CEP350: variants seen among roughly 807,000 people sequenced by gnomAD.
The protein encoded by CEP350 is centrosomal protein 350.
A neutral mutation model predicts 331.8 loss-of-function variants in CEP350; 126 were observed. The observed-to-expected ratio is 0.38, with a 90% CI of 0.33 to 0.44. The LOEUF (loss-of-function observed/expected upper bound fraction) is 0.44. Ranked by LOEUF, CEP350 falls within the 20% of genes least tolerant of loss-of-function variation. CEP350 has a pLI of 1.00. For synonymous variants in CEP350, 1,200 were observed against 1,259.5 expected, an observed-to-expected ratio of 0.95 and a Z score of 1.00; for missense variants, 3,406 against 3,634.6, an observed-to-expected ratio of 0.94 and a Z score of 1.62.
chr1:179,966,865 T>C (rs1294693213), intron 1 of CEP350, among the ~76,000 whole-genome samples: 8 of 152,198 alleles, frequency 5.3e-5, no homozygotes, highest in Non-Finnish European at 1.0e-4. Context: ...CAATCTCCAG[T>C]TGCTTTGAGA....
At chr1:179,980,918 C>G (rs999323448) in intron 1 of CEP350, among the ~76,000 whole-genome samples, 1 of 152,014 alleles carries the variant, frequency 6.6e-6, no homozygotes, top group Non-Finnish European at 1.5e-5. Flanking sequence ...ATTCTATTTT[C>G]TATATACAAT....
In CEP350 at chr1:180,093,783, C is replaced by T. The variant is rs781079631; in HGVS notation, c.7678C>T (p.Pro2560Ser). The T allele has an allele frequency of 4.3e-6, 7 of 1,613,752 alleles. No homozygotes were observed. Among genetic ancestry groups the T allele is most frequent in the Middle Eastern group, 1.6e-4 (1 of 6,062 alleles). Residue 2560 changes from proline to serine, a missense_variant, in exon 34 of 38, where the codon CCT becomes TCT. Coordinates refer to ENST00000367607, the MANE Select transcript of CEP350 (RefSeq NM_014810.5). Reference sequence around the variant, plus strand: ...AGAAAAGCATGGTATTTTTGCTCCTCCTCAAAAAATATCTCACATTCCAGA... The same window carrying T: ...AGAAAAGCATGGTATTTTTGCTCCTTCTCAAAAAATATCTCACATTCCAGA... ...CKEKHGIFAP[P>S]QKISHIPENF...
chr1:180,043,426 T>A (rs1656900778), intron 20 of CEP350, among the ~76,000 whole-genome samples: 1 of 152,142 alleles, frequency 6.6e-6, no homozygotes, highest in South Asian at 2.1e-4. Context: ...TCAGAGATAA[T>A]GTAACACAGG....
At chr1:180,077,671 T>TAAAAAAAAAAAAAAAAAAAAAAAAAA (rs3067269) in intron 28 of CEP350, among the ~76,000 whole-genome samples, 1 of 97,228 alleles carries the variant, frequency 1.0e-5, no homozygotes. Flanking sequence ...TCTCAAAAAG[T>TAAAAAAAAAAAAAAAAAAAAAAAAAA]AAAAAAAAAA....
At position 180,024,709 on chromosome 1, in the gene CEP350, T is replaced by G. The variant is rs192711639; in HGVS notation, c.3550+127T>G. The G allele has an allele frequency of 1.3e-3, 1,332 of 1,035,458 alleles. 7 individuals carry two copies. In the African/African-American group the frequency reaches 0.019, roughly 15 times the overall value. The allele number at this position is 1,035,458 out of a possible 1,614,324, so 64.1% of individuals were successfully genotyped here. On this transcript the variant is annotated intron_variant, in intron 14 of 37. Coordinates refer to ENST00000367607, the MANE Select transcript of CEP350 (RefSeq NM_014810.5). The stretch of plus-strand genomic sequence containing the variant: ...ATGGTAATGTAATTAGCTTTCATAT[T>G]TATTTATCATTATAATAATACCTTT...
chr1:180,092,821 G>A lies in CEP350; in HGVS notation c.6716G>A (p.Ser2239Asn), dbSNP rs987140919. The A allele has an allele frequency of 6.4e-6, 10 of 1,570,008 alleles. No individual in the cohort carries two copies. The highest frequency in any genetic ancestry group is 8.7e-6 in the Non-Finnish European group (10 of 1,156,060). The change falls in exon 34 of 38, where the codon AGT (serine) becomes AAT (asparagine). Residue 2239 changes from serine (S) to asparagine (N), a missense_variant. Ser to Asn is a conservative substitution (Grantham distance 46). This residue lies in a region of CEP350 where 1,415 missense variants were observed against 1,512.3 expected (regional missense o/e 0.94). Transcript: ENST00000367607. ...LHLLKELNAT[S>N]RILDMSDGKV... ...CTTCTCAAAGAATTAAATGCCACTA[G>A]TAGAATTCTTGATATGTCAGATGGC...
intron 1 of CEP350, among the ~76,000 whole-genome samples, chr1:179,976,694 A>C: frequency 6.6e-6 from 1 of 152,238 alleles, no homozygotes; most frequent in Admixed American, 6.5e-5. Context: ...AAATACAAGA[A>C]ATGAAATATA....
intron 33 of CEP350, among the ~76,000 whole-genome samples, chr1:180,091,484 G>T (rs928302402): frequency 6.6e-6 from 1 of 151,992 alleles, no homozygotes. Context: ...CTATTTCTTA[G>T]CTAAATAGCT....
At chr1:180,090,557 A>AAAAAAAAAAAAAAAAAG (rs1660126484) in intron 32 of CEP350, among the ~76,000 whole-genome samples, 157 bp from the exon 33 acceptor site, 4 of 92,298 alleles carry the variant, frequency 4.3e-5, no homozygotes, top group Admixed American at 3.5e-4. Context: ...AAAAAAAAAA[A>AAAAAAAAAAAAAAAAAG]AAAAAAAAAA....
In CEP350 at chr1:180,020,925, A is replaced by G. The variant is rs774328967; in HGVS notation, c.3151A>G (p.Lys1051Glu). The G allele has an allele frequency of 1.9e-6, 3 of 1,609,246 alleles. No homozygotes were observed. In the East Asian group the frequency reaches 6.7e-5, roughly 36 times the overall value. ...LFGHIGGTQS[K>E]GPWEELAKGS... Reference sequence around the variant, plus strand: ...TGGGCACATAGGTGGTACACAAAGCAAAGGACCATGGGAAGAATTGGCAAA... The same window carrying G: ...TGGGCACATAGGTGGTACACAAAGCGAAGGACCATGGGAAGAATTGGCAAA... The change falls in exon 12 of 38, where the codon AAA (lysine) becomes GAA (glutamate). Residue 1051 changes from lysine (K) to glutamate (E), a missense_variant. Coordinates refer to ENST00000367607, the MANE Select transcript of CEP350 (RefSeq NM_014810.5).
At chr1:180,096,230 A>C (rs1660472969) in intron 36 of CEP350, 46 bp downstream of exon 36, 2 of 1,511,264 alleles carry the variant, frequency 1.3e-6, no homozygotes, top group African/African-American at 1.4e-5. Context: ...CTTGCTGTTC[A>C]TTTACACATA....
At chr1:179,974,069 G>C (rs1264793168) in intron 1 of CEP350, among the ~76,000 whole-genome samples, 2 of 142,354 alleles carry the variant, frequency 1.4e-5, no homozygotes, top group African/African-American at 2.5e-5. Flanking sequence ...GTTGTTGCTG[G>C]TGTTTGTTTG....
In CEP350 at chr1:180,022,607, G is replaced by T. The variant is rs1655401115; in HGVS notation, c.3236-91G>T. 3.8e-6 allele frequency: 4 copies of T among 1,046,382 alleles called. No homozygotes were observed. In the South Asian group the frequency reaches 6.2e-5, roughly 16 times the overall value. The allele number at this position is 1,046,382 out of a possible 1,614,324, so 64.8% of individuals were successfully genotyped here. A position where few individuals can be genotyped will look rare whatever the true frequency, so the allele number is the denominator to read the frequency against. ...TTAAAGGAAACTAAAATGTCCCTAAGCCCATATTGCTAATCTCCATGTATG... is the reference window on the plus strand; with the variant it reads ...TTAAAGGAAACTAAAATGTCCCTAATCCCATATTGCTAATCTCCATGTATG... On this transcript the variant is annotated intron_variant, in intron 12 of 37. Transcript: ENST00000367607.
chr1:180,062,195 CCT>C (rs1466361915), intron 25 of CEP350, 23 bp from the exon 26 acceptor site: 3 of 1,530,842 alleles, frequency 2.0e-6, no homozygotes, highest in Non-Finnish European at 1.8e-6. Context: ...AATCTTAATC[CCT>C]CTCTTAACTC....
At position 180,020,915 on chromosome 1, in the gene CEP350, T is replaced by C; in HGVS notation, c.3141T>C (p.Gly1047=). The C allele has an allele frequency of 6.2e-7, 1 of 1,612,162 alleles. No homozygotes were observed. Among genetic ancestry groups the C allele is most frequent in the Non-Finnish European group, 8.5e-7 (1 of 1,179,592 alleles). The part of the protein sequence containing the change: ...KFLPLFGHIG[G]TQSKGPWEEL... Reference sequence around the variant, plus strand: ...TGCCACTTTTTGGGCACATAGGTGGTACACAAAGCAAAGGACCATGGGAAG... The same window carrying C: ...TGCCACTTTTTGGGCACATAGGTGGCACACAAAGCAAAGGACCATGGGAAG... Residue 1047 remains glycine, a synonymous_variant, in exon 12 of 38, where the codon GGT becomes GGC. Transcript: ENST00000367607.
chr1:180,060,597 T>C (rs1445307836), intron 25 of CEP350, among the ~76,000 whole-genome samples: 1 of 152,184 alleles, frequency 6.6e-6, no homozygotes, highest in African/African-American at 2.4e-5. Context: ...TGAGGCTGCA[T>C]TGAGCCACTG....
chr1:180,024,604 A>G, intron 14 of CEP350, 22 bp downstream of exon 14: 1 of 1,588,140 alleles, frequency 6.3e-7, no homozygotes, highest in Non-Finnish European at 8.6e-7. Flanking sequence ...TCCACATGGT[A>G]ACTTTTTCTC....
At chr1:180,001,735 A>C (rs1211879998) in intron 6 of CEP350, among the ~76,000 whole-genome samples, 1 of 152,224 alleles carries the variant, frequency 6.6e-6, no homozygotes, top group Non-Finnish European at 1.5e-5. Flanking sequence ...ATAAGCAAAA[A>C]CAGATAGATG....
intron 21 of CEP350, among the ~76,000 whole-genome samples, chr1:180,047,932 A>G (rs1353722630): frequency 6.6e-6 from 1 of 152,148 alleles, no homozygotes; most frequent in African/African-American, 2.4e-5. Flanking sequence ...CTTTTATTTA[A>G]CATTTAATTT....
Sources: gnomAD v4.1 joint callset for allele counts (sites outside exome capture counted in the v4.1 genomes callset) on GRCh38, gnomAD v4.1.1 for gene constraint, gnomAD v4.1.1 regional missense constraint, MANE v1.5 for transcripts, NCBI Gene and HGNC (gene_info 2026-07-23, HGNC 2026-07-21) for gene names.